CAPN9: variants seen among roughly 807,000 people sequenced by gnomAD.
The protein encoded by CAPN9 is calpain-9.
In CAPN9, 81 loss-of-function variants were observed where a neutral mutation model predicts 92.8. That is an observed-to-expected ratio of 0.87 (90% CI 0.73 to 1.05). The LOEUF is 1.05. Among genes scored for constraint, CAPN9 ranks in the 50% least tolerant of loss-of-function variants. The probability of loss-of-function intolerance (pLI) is 0.00; values close to 1 mark genes in which losing one functional copy is unlikely to be tolerated. For synonymous variants in CAPN9, 304 were observed against 328.0 expected (o/e 0.93, Z 0.79); for missense variants, 848 against 866.2 (o/e 0.98, Z 0.26).
chr1:230,784,166 A>G (rs1424837343), intron 11 of CAPN9, among the ~76,000 whole-genome samples: 1 of 152,242 alleles, frequency 6.6e-6, no homozygotes, highest in African/African-American at 2.4e-5. Context: ...TATGACTTAA[A>G]GCTGGAATAT....
intron 2 of CAPN9, among the ~76,000 whole-genome samples, chr1:230,757,660 T>C (rs1665328770): frequency 6.8e-6 from 1 of 148,102 alleles, no homozygotes; most frequent in Non-Finnish European, 1.5e-5. Flanking sequence ...GGTGGGAAGA[T>C]CTCTTGAGCC....
intron 11 of CAPN9, among the ~76,000 whole-genome samples, chr1:230,781,240 A>G (rs1371618812): frequency 1.3e-5 from 2 of 152,092 alleles, no homozygotes; most frequent in African/African-American, 4.8e-5. Context: ...TCGCTCCCTC[A>G]AGCAAACCAT....
chr1:230,800,003 C>T (rs2102946796), intron 19 of CAPN9, among the ~76,000 whole-genome samples: 1 of 151,784 alleles, frequency 6.6e-6, no homozygotes, highest in Middle Eastern at 3.4e-3. Flanking sequence ...ACGGTGAAAC[C>T]CCATCTCTAC....
At chr1:230,751,475 A>G (rs1375432948) in intron 1 of CAPN9, among the ~76,000 whole-genome samples, 4 of 150,602 alleles carry the variant, frequency 2.7e-5, no homozygotes, top group South Asian at 4.3e-4. Flanking sequence ...AAAGGGAAGG[A>G]AGGGAAGGGA....
chr1:230,795,185 C>T lies in CAPN9; in HGVS notation c.1893C>T (p.Leu631=). 1.2e-6 allele frequency: 2 copies of T among 1,612,296 alleles called. No homozygotes were observed. Among genetic ancestry groups the T allele is most frequent in the Non-Finnish European group, 1.7e-6 (2 of 1,178,738 alleles). The change falls in exon 18 of 20, where the codon CTC becomes CTT. Residue 631 remains leucine, a synonymous_variant. Coordinates refer to ENST00000271971, the MANE Select transcript of CAPN9 (RefSeq NM_006615.3). Reference sequence around the variant, plus strand: ...CAGGCTTTCAGCTGAGCAGCCACCTCCTGCAGCTGATTGTGCTCAGGTATG... The same window carrying T: ...CAGGCTTTCAGCTGAGCAGCCACCTTCTGCAGCTGATTGTGCTCAGGTATG... ...KAAGFQLSSH[L]LQLIVLRYAD... is the part of the protein sequence containing the mutation.
At chr1:230,751,611 G>GAAAGAAAGAAAGAAAC (rs1664808899) in intron 1 of CAPN9, among the ~76,000 whole-genome samples, 1 of 21,922 alleles carries the variant, frequency 4.6e-5, no homozygotes, top group East Asian at 1.9e-3. Context: ...GAAAGAAAGA[G>GAAAGAAAGAAAGAAAC]AAAGAAAGAA....
intron 4 of CAPN9, among the ~76,000 whole-genome samples, chr1:230,766,319 A>C (rs116272210): frequency 1.4e-3 from 216 of 152,362 alleles, no homozygotes; most frequent in African/African-American, 4.8e-3. Flanking sequence ...ATAATAGTGC[A>C]TAATAGTATA....
rs779417250 is a variant in CAPN9, at chr1:230,769,245, T to A, written c.771T>A (p.Ser257Arg). 1 of 1,613,904 alleles carries A rather than the reference T, an allele frequency of 6.2e-7. No homozygotes were observed. The highest frequency in any genetic ancestry group is 8.5e-7 in the Non-Finnish European group (1 of 1,179,768). The change falls in exon 6 of 20, where the codon AGT becomes AGA. Residue 257 changes from serine to arginine, a missense_variant. Physicochemically the swap from Ser to Arg is moderately radical, Grantham distance 110. Transcript: ENST00000271971. ...PFGLIKGHAY[S>R]VTGIDQVSFR... ...GTCTTATTAAGGGTCATGCCTACAG[T>A]GTAACGGGAATTGACCAGGTAGGCG...
chr1:230,792,412 C>T lies in CAPN9; in HGVS notation c.1723-14C>T. 3 of 1,612,428 alleles carry T rather than the reference C, an allele frequency of 1.9e-6. No individual in the cohort carries two copies. The highest frequency in any genetic ancestry group is 2.5e-6 in the Non-Finnish European group (3 of 1,178,460). On this transcript the variant is annotated splice_polypyrimidine_tract_variant and intron_variant, in intron 15 of 19. Transcript: ENST00000271971. Reference sequence around the variant, plus strand: ...GAAACACTGCTCATGTCTCCCTTAACCCACATGGCACAGACCAGCGGCAAT... The same window carrying T: ...GAAACACTGCTCATGTCTCCCTTAATCCACATGGCACAGACCAGCGGCAAT...
intron 17 of CAPN9, 43 bp downstream of exon 17, chr1:230,792,971 G>T: frequency 1.3e-6 from 2 of 1,488,016 alleles, no homozygotes; most frequent in Non-Finnish European, 1.9e-6. Flanking sequence ...TGCATGCCAG[G>T]TACTGCCTGT....
chr1:230,755,312 C>T, intron 1 of CAPN9, 25 bp from the exon 2 acceptor site: 1 of 1,595,270 alleles, frequency 6.3e-7, no homozygotes, highest in South Asian at 1.1e-5. Flanking sequence ...CAGGCCTCAG[C>T]CTAATAACAC....
In CAPN9 at chr1:230,759,510, A is replaced by G. The variant is rs2102847196; in HGVS notation, c.284-2A>G. 1.9e-6 allele frequency: 3 copies of G among 1,593,518 alleles called. No individual in the cohort carries two copies. The highest frequency in any genetic ancestry group is 1.7e-6 in the Non-Finnish European group (2 of 1,171,050). ...TTGTGATTTATGGCTTCCATTTTGC[A>G]GGAGACTGCTGGCTATTAGCCGCCA... On this transcript the variant is annotated splice_acceptor_variant, in intron 2 of 19. Coordinates refer to ENST00000271971, the MANE Select transcript of CAPN9 (RefSeq NM_006615.3). LOFTEE classifies it high-confidence loss of function.
intron 11 of CAPN9, among the ~76,000 whole-genome samples, chr1:230,781,978 T>G (rs1667257151): frequency 6.6e-6 from 1 of 152,238 alleles, no homozygotes; most frequent in African/African-American, 2.4e-5. Flanking sequence ...TCCCAGATAC[T>G]AGTACAAGAT....
chr1:230,748,691 CTAT>C (rs1283106179), intron 1 of CAPN9, among the ~76,000 whole-genome samples: 1 of 152,126 alleles, frequency 6.6e-6, no homozygotes, highest in Non-Finnish European at 1.5e-5. Context: ...ATTACTGATA[CTAT>C]TATTATCATC....
chr1:230,749,243 A>G (rs1043222137), intron 1 of CAPN9, among the ~76,000 whole-genome samples: 4 of 152,222 alleles, frequency 2.6e-5, no homozygotes, highest in Non-Finnish European at 4.4e-5. Flanking sequence ...CATATGGCCA[A>G]TTGCAGTGTG....
rs753120212 is a variant in CAPN9 at position 230,791,857 on chromosome 1, A to G, written c.1658-7A>G. Reference sequence around the variant, plus strand: ...CAACTGAATTCAGCTTTCATGTGCAATTTCAGAAAAGGACATCAAATTCAA... The same window carrying G: ...CAACTGAATTCAGCTTTCATGTGCAGTTTCAGAAAAGGACATCAAATTCAA... On this transcript the variant is annotated splice_region_variant and splice_polypyrimidine_tract_variant and intron_variant, in intron 14 of 19. Coordinates refer to ENST00000271971, the MANE Select transcript of CAPN9 (RefSeq NM_006615.3). 7 of 1,612,390 alleles carry G rather than the reference A, an allele frequency of 4.3e-6. No homozygotes were observed. Among genetic ancestry groups the G allele is most frequent in the East Asian group, 4.5e-5 (2 of 44,876 alleles).
chr1:230,778,890 A>C (rs1232811368), intron 8 of CAPN9, 83 bp from the exon 9 acceptor site: 15 of 1,228,928 alleles, frequency 1.2e-5, no homozygotes, highest in Admixed American at 2.1e-5. Flanking sequence ...TTAATGAATA[A>C]GTGAATGATT....
At chr1:230,761,875 A>ACACATGCAT (rs1425179850) in intron 3 of CAPN9, among the ~76,000 whole-genome samples, 4 of 152,184 alleles carry the variant, frequency 2.6e-5, no homozygotes, top group Non-Finnish European at 5.9e-5. Context: ...ACAAGCTCAT[A>ACACATGCAT]CACATGCATA....
At chr1:230,799,257 T>A (rs1406233882) in intron 19 of CAPN9, among the ~76,000 whole-genome samples, 1 of 152,236 alleles carries the variant, frequency 6.6e-6, no homozygotes, top group Non-Finnish European at 1.5e-5. Context: ...TTTAGAGGAT[T>A]GTACCTCCTC....
Sources: allele counts gnomAD v4.1 joint callset (sites outside exome capture counted in the v4.1 genomes callset), GRCh38; gene constraint gnomAD v4.1.1; transcripts MANE v1.5; gene names NCBI Gene and HGNC (gene_info 2026-07-23, HGNC 2026-07-21).